Variants in ANGPTL6 observed in about 807,000 individuals in gnomAD.
The protein encoded by ANGPTL6 is angiopoietin like 6.
In ANGPTL6, 45 loss-of-function variants were observed where a neutral mutation model predicts 47.4. The observed-to-expected ratio is 0.95, with a 90% CI of 0.75 to 1.22. ANGPTL6 has a LOEUF of 1.22. ANGPTL6 is among the 50% of genes most tolerant of loss of function. The probability of loss-of-function intolerance (pLI) is 0.00; values close to 1 mark genes in which losing one functional copy is unlikely to be tolerated. For missense variants in ANGPTL6, 698 were observed against 669.4 expected, an observed-to-expected ratio of 1.04 and a Z score of -0.47; for synonymous variants, 290 against 295.9, an observed-to-expected ratio of 0.98 and a Z score of 0.20.
At chr19:10,104,941 A>G (rs1489861174), upstream of ANGPTL6, among the ~76,000 whole-genome samples, 1 of 152,202 alleles carries the variant, frequency 6.6e-6, no homozygotes, top group Non-Finnish European at 1.5e-5. Flanking sequence ...ACATTTTCAC[A>G]CAAGTCAAAT....
intron 3 of ANGPTL6, 41 bp from the exon 4 acceptor site, chr19:10,093,921 A>T: frequency 6.3e-7 from 1 of 1,590,404 alleles, no homozygotes; most frequent in Non-Finnish European, 8.5e-7. Flanking sequence ...GCCTGGGCTG[A>T]CCAATCCCTT....
Position 10,093,461 on chromosome 19 carries a change from G to T in ANGPTL6, c.1110C>A (p.Ser370Arg), listed in dbSNP as rs761235613. 4 of 1,614,072 alleles carry T rather than the reference G, an allele frequency of 2.5e-6. No individual in the cohort carries two copies. Among genetic ancestry groups the T allele is most frequent in the Non-Finnish European group, 3.4e-6 (4 of 1,180,048 alleles). The change falls in exon 5 of 6, where the codon AGC becomes AGA. Residue 370 changes from serine (S) to arginine (R), a missense_variant. Coordinates refer to ENST00000253109, the MANE Select transcript of ANGPTL6 (RefSeq NM_031917.3). ...GGCCAAGCCGCAGGCGGTAGTGGTC[G>T]CTCTCGGGTTCCAGGGAGAAGCCAT... ...HYDGFSLEPE[S>R]DHYRLRLGQY...
In ANGPTL6 at chr19:10,096,544, C is replaced by T. The variant is rs936357188; in HGVS notation, c.20G>A (p.Arg7His). The T allele has an allele frequency of 2.6e-6, 4 of 1,514,114 alleles. No individual in the cohort carries two copies. Among genetic ancestry groups the T allele is most frequent in the East Asian group, 2.7e-5 (1 of 37,710 alleles). The allele number at this position is 1,514,114 out of a possible 1,614,324, so 93.8% of individuals were successfully genotyped here. The change falls in exon 2 of 6, where the codon CGT becomes CAT. Residue 7 changes from arginine (R) to histidine (H), a missense_variant. Transcript: ENST00000253109. MGKPWLRALQLLLLLGA... is the reference protein window; with the variant it reads MGKPWLHALQLLLLLGA... ...CAGCAGGAGCAGCAGCTGTAGCGCA[C>T]GCAGCCAGGGCTTCCCCATCGCGGC...
chr19:10,092,444 A>G lies in ANGPTL6; in HGVS notation c.*145T>C, dbSNP rs1047306661. 1 of 1,519,934 alleles carries G rather than the reference A, an allele frequency of 6.6e-7. No homozygotes were observed. Among genetic ancestry groups the G allele is most frequent in the Non-Finnish European group, 8.8e-7 (1 of 1,130,894 alleles). The allele number at this position is 1,519,934 out of a possible 1,614,324, so 94.2% of individuals were successfully genotyped here. Reference sequence around the variant, plus strand: ...TTGACGGGGGGGATTCCTGGGTCCCATTTTCAGCGCCCAGGGTCACAGATC... The same window carrying G: ...TTGACGGGGGGGATTCCTGGGTCCCGTTTTCAGCGCCCAGGGTCACAGATC... On this transcript the variant is annotated 3_prime_UTR_variant, in exon 6 of 6. Coordinates refer to ENST00000253109, the MANE Select transcript of ANGPTL6 (RefSeq NM_031917.3).
upstream of ANGPTL6, chr19:10,102,717 AGCCCCCAGAGCCTGGGAGTG>A: frequency 1.0e-6 from 1 of 984,674 alleles, no homozygotes; most frequent in Non-Finnish European, 1.2e-6. Flanking sequence ...ACCACTCCCC[AGCCCCCAGAGCCTGGGAGTG>A]GAGCTGGGAT....
In ANGPTL6 at chr19:10,096,376, GCCAGCT is replaced by G; in HGVS notation, c.182_187del (p.Glu61_Leu62del). The G allele has an allele frequency of 7.7e-7, 1 of 1,296,116 alleles. No homozygotes were observed. The allele number at this position is 1,296,116 out of a possible 1,614,324, so 80.3% of individuals were successfully genotyped here. ...GCGGCCGACGCGCATGCGCAGCGCC[GCCAGCT>G]CGCTGGCGTTGGCGGCCTCGGGCGT... On this transcript the variant is annotated inframe_deletion, in exon 2 of 6. Coordinates refer to ENST00000253109, the MANE Select transcript of ANGPTL6 (RefSeq NM_031917.3).
intron 5 of ANGPTL6, 113 bp from the exon 6 acceptor site, chr19:10,092,892 T>C (rs1398594362): frequency 1.2e-5 from 11 of 885,100 alleles, no homozygotes; most frequent in African/African-American, 1.7e-5. Flanking sequence ...TCTTATTGAA[T>C]ACAAGCCCTG....
chr19:10,096,636 T>C, intron 1 of ANGPTL6, 63 bp from the exon 2 acceptor site: 1 of 1,272,054 alleles, frequency 7.9e-7, no homozygotes, highest in East Asian at 3.1e-5. Flanking sequence ...CCCCTCCGCT[T>C]CCACGCGGGG....
upstream of ANGPTL6, chr19:10,102,697 A>C: frequency 1.0e-6 from 1 of 984,762 alleles, no homozygotes; most frequent in Non-Finnish European, 1.2e-6. Flanking sequence ...AGGAGAGAGG[A>C]GGCTTGGTAA....
In ANGPTL6 at chr19:10,093,797, C is replaced by T. The variant is rs774852691; in HGVS notation, c.847G>A (p.Val283Met). Reference protein sequence around the residue: ...VYELRVGRHVVSVWCEQQLEG... With the variant: ...VYELRVGRHVMSVWCEQQLEG... ...AGTTGCTGCTCACACCATACTGACA[C>T]TACGTGACGGCCCACTCGCAGTTCA... Residue 283 changes from valine to methionine, a missense_variant, in exon 4 of 6, where the codon GTG becomes ATG. Val to Met is a conservative substitution (Grantham distance 21). Coordinates refer to ENST00000253109, the MANE Select transcript of ANGPTL6 (RefSeq NM_031917.3). 4 of 1,614,118 alleles carry T rather than the reference C, an allele frequency of 2.5e-6. No individual in the cohort carries two copies. In the South Asian group the frequency reaches 3.3e-5, roughly 13 times the overall value.
chr19:10,093,879 G>T lies in ANGPTL6; in HGVS notation c.765C>A (p.Gly255=). 2 of 1,607,386 alleles carry T rather than the reference G, an allele frequency of 1.2e-6. No homozygotes were observed. Residue 255 remains glycine, a splice_region_variant and synonymous_variant, in exon 4 of 6, where the codon GGC becomes GGA. Transcript: ENST00000253109. ...GHPAVPTKPV[G]PWQDCAEARQ... is the part of the protein sequence containing the mutation. ...GGGCCTCTGCACAATCCTGCCACGGGCCTGTGGGCACAGGGATAGGGGGGA... is the reference window on the plus strand; with the variant it reads ...GGGCCTCTGCACAATCCTGCCACGGTCCTGTGGGCACAGGGATAGGGGGGA...
upstream of ANGPTL6, among the ~76,000 whole-genome samples, chr19:10,103,231 C>T (rs548250234): frequency 5.3e-5 from 8 of 151,776 alleles, no homozygotes; most frequent in East Asian, 9.7e-4. Flanking sequence ...CTGTCACACA[C>T]ATATGGGCAC....
chr19:10,100,044 G>A (rs1044652941), intron 1 of ANGPTL6, among the ~76,000 whole-genome samples: 7 of 150,146 alleles, frequency 4.7e-5, no homozygotes, highest in African/African-American at 1.2e-4. Flanking sequence ...ATTTTTAGTA[G>A]AGACAGGGTG....
At chr19:10,095,241 T>G (rs763074440) in intron 2 of ANGPTL6, among the ~76,000 whole-genome samples, 41 of 152,212 alleles carry the variant, frequency 2.7e-4, no homozygotes, top group Middle Eastern at 6.8e-3. Flanking sequence ...AACCTCCGTC[T>G]CTACTAAAAA....
intron 5 of ANGPTL6, 29 bp from the exon 6 acceptor site, chr19:10,092,808 C>G (rs1296355860): frequency 6.4e-7 from 1 of 1,550,796 alleles, no homozygotes; most frequent in African/African-American, 1.4e-5. Context: ...TCCATGTCCT[C>G]TCACCAGAAT....
chr19:10,106,074 T>G, upstream of ANGPTL6: 1 of 494,028 alleles, frequency 2.0e-6, no homozygotes, highest in Non-Finnish European at 3.6e-6. Context: ...CAGCCTTACT[T>G]TGGGATATTT....
Position 10,096,125 on chromosome 19 carries a change from A to G in ANGPTL6, c.439T>C (p.Ser147Pro), listed in dbSNP as rs779899913. 22 of 1,450,544 alleles carry G rather than the reference A, an allele frequency of 1.5e-5. No homozygotes were observed. Among genetic ancestry groups the G allele is most frequent in the Non-Finnish European group, 1.9e-5 (21 of 1,102,566 alleles). The allele number at this position is 1,450,544 out of a possible 1,614,324, so 89.9% of individuals were successfully genotyped here. ...GCGGCTGCGCGCTGAGCCTCGGCGG[A>G]CGCGTTGAGCACGCGCTCCCCGAGC... ...ALLGERVLNASAEAQRAAARF... is the reference protein window; with the variant it reads ...ALLGERVLNAPAEAQRAAARF... The change falls in exon 2 of 6, where the codon TCC becomes CCC. Residue 147 changes from serine (S) to proline (P), a missense_variant. Ser to Pro is a moderately conservative substitution (Grantham distance 74). Coordinates refer to ENST00000253109, the MANE Select transcript of ANGPTL6 (RefSeq NM_031917.3).
chr19:10,094,858 G>A lies in ANGPTL6; in HGVS notation c.663C>T (p.Asp221=), dbSNP rs1244187751. Residue 221 remains aspartate (D), a synonymous_variant, in exon 3 of 6, where the codon GAC becomes GAT. Transcript: ENST00000253109. The stretch of plus-strand genomic sequence containing the variant: ...GGTCTCTCTGGGGCTCTGGGGCTGG[G>A]TCCAGCATCCTACTGGTGTCACTGG... ...GSTSDTSRML[D]PAPEPQRDQT... 4 of 1,614,092 alleles carry A rather than the reference G, an allele frequency of 2.5e-6. No homozygotes were observed. Among genetic ancestry groups the A allele is most frequent in the African/African-American group, 1.3e-5 (1 of 74,926 alleles).
chr19:10,093,103 C>T (rs1002825237), intron 5 of ANGPTL6: 6 of 551,662 alleles, frequency 1.1e-5, no homozygotes, highest in African/African-American at 9.3e-5. Context: ...TACTAGCTCT[C>T]ACCCTCTGCC....
Sources: allele counts gnomAD v4.1 joint callset (sites outside exome capture counted in the v4.1 genomes callset), GRCh38; gene constraint gnomAD v4.1.1; transcripts MANE v1.5; gene names NCBI Gene and HGNC (gene_info 2026-07-23, HGNC 2026-07-21).